The following SNTA1 variants were observed in gnomAD, a reference collection of about 807,000 sequenced individuals.
The protein encoded by SNTA1 is alpha-1-syntrophin.
A neutral mutation model predicts 47.1 loss-of-function variants in SNTA1; 31 were observed. That is an observed-to-expected ratio of 0.66 (90% CI 0.49 to 0.89). The LOEUF (loss-of-function observed/expected upper bound fraction) is 0.89, where lower values mean the gene tolerates loss of function less well. SNTA1 is among the 40% of genes least tolerant of loss of function. The pLI, the probability that SNTA1 is intolerant of heterozygous loss-of-function variation, is 0.00. For missense variants in SNTA1, 575 were observed against 693.0 expected (o/e 0.83, Z 1.91); for synonymous variants, 300 against 313.6 (o/e 0.96, Z 0.46).
At chr20:33,424,864 C>T (rs910010177) in intron 2 of SNTA1, among the ~76,000 whole-genome samples, 29 of 151,212 alleles carry the variant, frequency 1.9e-4, no homozygotes, top group African/African-American at 6.5e-4. Context: ...TGCCTGTAAT[C>T]CCAGCACTTT....
At chr20:33,433,592 C>A (rs999435088) in intron 2 of SNTA1, among the ~76,000 whole-genome samples, 6 of 152,120 alleles carry the variant, frequency 3.9e-5, no homozygotes, top group African/African-American at 1.4e-4. Flanking sequence ...GCATGACAGG[C>A]TCACTGTTGT....
At chr20:33,418,148 G>A (rs1600845056) in intron 2 of SNTA1, among the ~76,000 whole-genome samples, 1 of 151,932 alleles carries the variant, frequency 6.6e-6, no homozygotes, top group Non-Finnish European at 1.5e-5. Context: ...TAGAGATAGG[G>A]CCCGCCTATA....
intron 2 of SNTA1, among the ~76,000 whole-genome samples, chr20:33,431,327 C>T (rs961808218): frequency 6.6e-6 from 1 of 152,174 alleles, no homozygotes; most frequent in Non-Finnish European, 1.5e-5. Flanking sequence ...GACTTGAGCT[C>T]ATATTCCATC....
rs915003058 is a variant in SNTA1, at chr20:33,432,741, G to A, written c.496+6100C>T. ...GGCAGGTGTGGTAGCACATGCCGTC[G>A]TCCCAGCTACTTGAGAGGCTGAGAT... is the stretch of plus-strand genomic sequence containing the variant. On this transcript the variant is annotated intron_variant, in intron 2 of 7. Transcript: ENST00000217381. 8.5e-5 allele frequency among the ~76,000 whole-genome samples: 13 copies of A among 152,192 alleles called. No homozygotes were observed. In the South Asian group the frequency reaches 1.9e-3, roughly 22 times the overall value.
Position 33,412,335 on chromosome 20 carries a change from A to G in SNTA1, c.1001T>C (p.Leu334Pro). Residue 334 changes from leucine (L) to proline (P), a missense_variant, in exon 5 of 8, where the codon CTG becomes CCG. Leu to Pro is a moderately conservative substitution (Grantham distance 98, BLOSUM62 -3). Coordinates refer to ENST00000217381, the MANE Select transcript of SNTA1 (RefSeq NM_003098.3). ...TGGGGCAGTACGGGCTGGCCGGCTCAGGGCCTCGCGGGTCTCGGGGAGAGA... is the reference window on the plus strand; with the variant it reads ...TGGGGCAGTACGGGCTGGCCGGCTCGGGGCCTCGCGGGTCTCGGGGAGAGA... ...YLSLPETREA[L>P]SRPARTAPLI... 6.2e-7 allele frequency: 1 copy of G among 1,611,084 alleles called. No homozygotes were observed. The highest frequency in any genetic ancestry group is 8.5e-7 in the Non-Finnish European group (1 of 1,179,194).
chr20:33,441,004 C>A (rs1187527121), intron 1 of SNTA1, among the ~76,000 whole-genome samples: 1 of 152,218 alleles, frequency 6.6e-6, no homozygotes, highest in Non-Finnish European at 1.5e-5. Context: ...GCCTGAATGG[C>A]ATCTTGGATA....
chr20:33,417,735 T>TG lies in SNTA1; in HGVS notation c.684dup (p.Asn229GlnfsTer2). ...CAGCCTTACCTGGGCTCCGGGTCAT[T>TG]GGGGGTGCACCTCTTCGAGACATAT... On this transcript the variant is annotated frameshift_variant, in exon 3 of 8. Coordinates refer to ENST00000217381, the MANE Select transcript of SNTA1 (RefSeq NM_003098.3). LOFTEE classifies it high-confidence loss of function. 6.2e-7 allele frequency: 1 copy of TG among 1,613,890 alleles called. No homozygotes were observed. Among genetic ancestry groups the TG allele is most frequent in the Non-Finnish European group, 8.5e-7 (1 of 1,179,836 alleles).
intron 2 of SNTA1, among the ~76,000 whole-genome samples, chr20:33,425,209 C>A (rs1357732524): frequency 6.6e-6 from 1 of 151,518 alleles, no homozygotes; most frequent in African/African-American, 2.4e-5. Flanking sequence ...CCAGGGAGGT[C>A]AAGGCTGCTA....
intron 2 of SNTA1, among the ~76,000 whole-genome samples, chr20:33,428,610 TG>T (rs1416627500): frequency 6.6e-6 from 1 of 152,026 alleles, no homozygotes; most frequent in African/African-American, 2.4e-5. Context: ...TGTCTTGCTT[TG>T]TTGCCCAGAT....
At chr20:33,409,608 CTAGT>C (rs1989688180) in intron 6 of SNTA1, among the ~76,000 whole-genome samples, 1 of 151,908 alleles carries the variant, frequency 6.6e-6, no homozygotes, top group African/African-American at 2.4e-5. Flanking sequence ...CTACAGGCAC[CTAGT>C]ACCATGCCCG....
chr20:33,412,652 C>T lies in SNTA1; in HGVS notation c.832G>A (p.Glu278Lys), dbSNP rs770192754. ...VNTLTPRVKDELQALLAATST... is the reference protein window; with the variant it reads ...VNTLTPRVKDKLQALLAATST... ...GTGGCTGCCAACAGTGCCTGCAGCTCATCCTTGACCCGCGGCGTCAGAGTA... is the reference window on the plus strand; with the variant it reads ...GTGGCTGCCAACAGTGCCTGCAGCTTATCCTTGACCCGCGGCGTCAGAGTA... The change falls in exon 4 of 8, where the codon GAG (glutamate) becomes AAG (lysine). Residue 278 changes from glutamate to lysine, a missense_variant. Coordinates refer to ENST00000217381, the MANE Select transcript of SNTA1 (RefSeq NM_003098.3). 7 of 1,613,884 alleles carry T rather than the reference C, an allele frequency of 4.3e-6. No individual in the cohort carries two copies. Among genetic ancestry groups the T allele is most frequent in the African/African-American group, 1.3e-5 (1 of 74,928 alleles).
At chr20:33,430,176 T>C (rs1990267770) in intron 2 of SNTA1, among the ~76,000 whole-genome samples, 1 of 152,096 alleles carries the variant, frequency 6.6e-6, no homozygotes. Context: ...ATTGAGCGCC[T>C]ACTATATATT....
At position 33,443,598 on chromosome 20, in the gene SNTA1, G is replaced by A. The variant is rs1216164802; in HGVS notation, c.23C>T (p.Pro8Leu). 6 of 1,237,590 alleles carry A rather than the reference G, an allele frequency of 4.8e-6. No individual in the cohort carries two copies. Among genetic ancestry groups the A allele is most frequent in the African/African-American group, 4.8e-5 (3 of 62,724 alleles). 76.7% of individuals were successfully genotyped at this position (1,237,590 alleles called of 1,614,324 possible). A position where few individuals can be genotyped will look rare whatever the true frequency, so the allele number is the denominator to read the frequency against. MASGRRA[P>L]RTGLLELRAG... is the part of the protein sequence containing the mutation. ...GCGCAGCTCCAGCAGCCCGGTGCGCGGGGCGCGCCTGCCGGACGCCATCTT... is the reference window on the plus strand; with the variant it reads ...GCGCAGCTCCAGCAGCCCGGTGCGCAGGGCGCGCCTGCCGGACGCCATCTT... Residue 8 changes from proline (P) to leucine (L), a missense_variant, in exon 1 of 8, where the codon CCG (proline) becomes CTG (leucine). Pro to Leu is a moderately conservative substitution (Grantham distance 98). Coordinates refer to ENST00000217381, the MANE Select transcript of SNTA1 (RefSeq NM_003098.3).
chr20:33,441,518 A>T (rs1002501679), intron 1 of SNTA1, among the ~76,000 whole-genome samples: 1 of 152,144 alleles, frequency 6.6e-6, no homozygotes, highest in Admixed American at 6.6e-5. Context: ...CAGAGCTTGA[A>T]GTCTAGGAGA....
chr20:33,417,946 G>A lies in SNTA1; in HGVS notation c.497-23C>T, dbSNP rs753381150. ...TGACTGATTGGGAGAGACATCAGCA[G>A]TCACCACTGTGACATGGGCTCCCAG... On this transcript the variant is annotated intron_variant, in intron 2 of 7. Transcript: ENST00000217381. 2.0e-6 allele frequency: 3 copies of A among 1,518,478 alleles called. No individual in the cohort carries two copies. In the East Asian group the frequency reaches 6.8e-5, roughly 34 times the overall value. The allele number at this position is 1,518,478 out of a possible 1,614,324, so 94.1% of individuals were successfully genotyped here.
intron 2 of SNTA1, among the ~76,000 whole-genome samples, chr20:33,431,013 G>A (rs1393706543): frequency 2.0e-5 from 3 of 151,246 alleles, no homozygotes; most frequent in African/African-American, 7.3e-5. Context: ...ATCCCAGCAC[G>A]TCAGGAGGCT....
chr20:33,426,417 C>G (rs1990171947), intron 2 of SNTA1, among the ~76,000 whole-genome samples: 1 of 147,304 alleles, frequency 6.8e-6, no homozygotes, highest in Non-Finnish European at 1.5e-5. Flanking sequence ...CCCCACTGCA[C>G]TCCAGCCAGG....
chr20:33,425,102 C>T (rs1394562793), intron 2 of SNTA1, among the ~76,000 whole-genome samples: 3 of 150,918 alleles, frequency 2.0e-5, no homozygotes, highest in East Asian at 2.0e-4. Flanking sequence ...GGTGACAGAG[C>T]GAGACTCCAT....
chr20:33,420,541 A>G (rs958625363), intron 2 of SNTA1, among the ~76,000 whole-genome samples: 4 of 152,102 alleles, frequency 2.6e-5, no homozygotes, highest in African/African-American at 9.7e-5. Context: ...CCTAACTTCA[A>G]TGCCCTCTAG....
Sources: allele counts gnomAD v4.1 joint callset (sites outside exome capture counted in the v4.1 genomes callset), GRCh38; gene constraint gnomAD v4.1.1; transcripts MANE v1.5; gene names NCBI Gene and HGNC (gene_info 2026-07-23, HGNC 2026-07-21).